The following LRSAM1 variants were observed in gnomAD, a reference collection of about 807,000 sequenced individuals.
LRSAM1 encodes leucine rich repeat and sterile alpha motif containing 1.
LRSAM1 carries 96 observed loss-of-function variants against 118.1 expected under a neutral mutation model. That is an observed-to-expected ratio of 0.81 (90% CI 0.69 to 0.96). The LOEUF is 0.96. Ranked by LOEUF, LRSAM1 falls within the 40% of genes least tolerant of loss-of-function variation. LRSAM1 has a pLI of 0.00. For missense variants in LRSAM1, 804 were observed against 915.5 expected, an observed-to-expected ratio of 0.88 and a Z score of 1.57; for synonymous variants, 322 against 364.2, an observed-to-expected ratio of 0.88 and a Z score of 1.32.
chr9:127,454,644 C>G, intron 3 of LRSAM1, 45 bp downstream of exon 3: 2 of 1,581,096 alleles, frequency 1.3e-6, no homozygotes, highest in Non-Finnish European at 8.7e-7. Context: ...ATCTCCTCCT[C>G]GGTCCCCATG....
At chr9:127,489,313 T>G (rs1835841842) in intron 18 of LRSAM1, 131 bp from the exon 19 acceptor site, 1 of 1,075,322 alleles carries the variant, frequency 9.3e-7, no homozygotes, top group African/African-American at 1.6e-5. Flanking sequence ...TGAGGTGAAA[T>G]CTTCTCCCTC....
At chr9:127,489,635 CCAA>C in intron 19 of LRSAM1, 117 bp downstream of exon 19, 1 of 1,154,876 alleles carries the variant, frequency 8.7e-7, no homozygotes, top group Non-Finnish European at 1.2e-6. Flanking sequence ...GCTTGCTAGC[CCAA>C]CAAGAGGTCG....
In LRSAM1 at chr9:127,502,765, C is replaced by A. The variant is rs1836443235; in HGVS notation, c.2047-9C>A. 1.4e-5 allele frequency: 22 copies of A among 1,612,860 alleles called. No homozygotes were observed. Among genetic ancestry groups the A allele is most frequent in the Non-Finnish European group, 1.8e-5 (21 of 1,179,826 alleles). On this transcript the variant is annotated splice_polypyrimidine_tract_variant and intron_variant, in intron 25 of 25. Transcript: ENST00000300417. ...GGGCCAGCCACATGCTCCCGCTCTC[C>A]CTCCCCAGGCCCAGATGATCTTCCT...
intron 9 of LRSAM1, among the ~76,000 whole-genome samples, chr9:127,463,182 A>G (rs1056535364): frequency 1.4e-5 from 2 of 148,058 alleles, no homozygotes; most frequent in African/African-American, 2.5e-5. Context: ...CTGGACAACA[A>G]AGCAAGACTT....
intron 17 of LRSAM1, 29 bp downstream of exon 17, chr9:127,485,864 AGGGAGCTGG>A: frequency 6.2e-7 from 1 of 1,606,778 alleles, no homozygotes; most frequent in South Asian, 1.1e-5. Flanking sequence ...GTCCCAGGTG[AGGGAGCTGG>A]GGGAGCTGGC....
At position 127,465,639 on chromosome 9, in the gene LRSAM1, G is replaced by T. The variant is rs977145787; in HGVS notation, c.529-2101G>T. 3.9e-5 allele frequency among the ~76,000 whole-genome samples: 6 copies of T among 152,242 alleles called. No homozygotes were observed. Among genetic ancestry groups the T allele is most frequent in the African/African-American group, 1.4e-4 (6 of 41,462 alleles). Reference sequence around the variant, plus strand: ...AGCACGTTCACTCAACACCCACCGTGTGAGGGCTGGGCTGGCCAGGGCTGG... The same window carrying T: ...AGCACGTTCACTCAACACCCACCGTTTGAGGGCTGGGCTGGCCAGGGCTGG... On this transcript the variant is annotated intron_variant, in intron 9 of 25. Transcript: ENST00000300417. The surrounding 1 kb of genome is among the most constrained non-coding windows in gnomAD (Gnocchi z 4.1).
At chr9:127,459,159 A>G in intron 7 of LRSAM1, 88 bp downstream of exon 7, 1 of 1,266,676 alleles carries the variant, frequency 7.9e-7, no homozygotes, top group Non-Finnish European at 1.1e-6. Context: ...GCCGGGCTCC[A>G]GCCAGTGGAA....
intron 24 of LRSAM1, 42 bp downstream of exon 24, chr9:127,497,376 C>CGTAT: frequency 1.9e-6 from 3 of 1,580,250 alleles, no homozygotes; most frequent in Non-Finnish European, 2.6e-6. Context: ...GGGCTCCAGC[C>CGTAT]GTATGTGTGG....
In LRSAM1 at chr9:127,465,936, G is replaced by A. The variant is rs1403866346; in HGVS notation, c.529-1804G>A. On this transcript the variant is annotated intron_variant, in intron 9 of 25. Transcript: ENST00000300417. The surrounding 1 kb of genome is among the most constrained non-coding windows in gnomAD (Gnocchi z 4.1). ...TTCATAAACACGGAGGCATCTGCATGTGTGCGCTGATAAACATTTGTCATT... is the reference window on the plus strand; with the variant it reads ...TTCATAAACACGGAGGCATCTGCATATGTGCGCTGATAAACATTTGTCATT... Among the ~76,000 whole-genome samples the A allele has an allele frequency of 1.3e-5, 2 of 152,178 alleles. No individual in the cohort carries two copies. Among genetic ancestry groups the A allele is most frequent in the African/African-American group, 4.8e-5 (2 of 41,428 alleles).
At chr9:127,500,560 A>G (rs1002012620) in intron 24 of LRSAM1, among the ~76,000 whole-genome samples, 2 of 152,086 alleles carry the variant, frequency 1.3e-5, no homozygotes, top group Non-Finnish European at 2.9e-5. Flanking sequence ...CTCCTGGGCA[A>G]CCAGGTGGAG....
At chr9:127,459,210 C>T in intron 7 of LRSAM1, 139 bp downstream of exon 7, 1 of 761,478 alleles carries the variant, frequency 1.3e-6, no homozygotes, top group East Asian at 2.7e-5. Flanking sequence ...CCCCTTGGCC[C>T]TTTGGGGTTT....
Position 127,458,389 on chromosome 9 carries a change from AAAAAC to A in LRSAM1, c.253-584_253-580del, listed in dbSNP as rs1171572511. Among the ~76,000 whole-genome samples the A allele has an allele frequency of 1.4e-4, 20 of 144,716 alleles. 3 individuals carry two copies. The South Asian group carries it at 1.7e-3, about 13-fold the overall frequency. The allele number at this position is 144,716 out of a possible 152,430, so 94.9% of individuals were successfully genotyped here. On this transcript the variant is annotated intron_variant, in intron 6 of 25. Transcript: ENST00000300417. Reference sequence around the variant, plus strand: ...GGGCGACAGAGCGAGACTTCGTCTCAAAAACAAAACAAAACAAAACAAAACAAAAC... The same window carrying A: ...GGGCGACAGAGCGAGACTTCGTCTCAAAAACAAAACAAAACAAAACAAAAC...
At chr9:127,479,165 G>T (rs1835439239) in intron 12 of LRSAM1, among the ~76,000 whole-genome samples, 1 of 152,152 alleles carries the variant, frequency 6.6e-6, no homozygotes, top group African/African-American at 2.4e-5. Context: ...AGAGACTGAG[G>T]CTCAGAGGGG....
intron 18 of LRSAM1, 79 bp downstream of exon 18, chr9:127,487,842 C>A: frequency 8.0e-7 from 1 of 1,249,740 alleles, no homozygotes; most frequent in Non-Finnish European, 1.1e-6. Context: ...GAGCTCCACA[C>A]GGAGCCCTTC....
At chr9:127,495,674 G>A (rs908944192) in intron 22 of LRSAM1, among the ~76,000 whole-genome samples, 1 of 152,152 alleles carries the variant, frequency 6.6e-6, no homozygotes, top group Non-Finnish European at 1.5e-5. Flanking sequence ...AGCCTGTGCC[G>A]GGAGCCACTG....
chr9:127,453,873 G>A (rs1341278571), intron 2 of LRSAM1: 1 of 163,032 alleles, frequency 6.1e-6, no homozygotes, highest in Non-Finnish European at 1.4e-5. Context: ...TCACTAGAAA[G>A]ATGTGGCCCC....
intron 10 of LRSAM1, among the ~76,000 whole-genome samples, chr9:127,472,549 G>A (rs1251459523): frequency 6.6e-6 from 1 of 152,062 alleles, no homozygotes. Context: ...GCTGAGGCAG[G>A]AGAATGGCTT....
In LRSAM1 at chr9:127,482,938, A is replaced by G. The variant is rs184483383; in HGVS notation, c.1089-12A>G. On this transcript the variant is annotated splice_polypyrimidine_tract_variant and intron_variant, in intron 15 of 25. Coordinates refer to ENST00000300417, the MANE Select transcript of LRSAM1 (RefSeq NM_001005373.4). Reference sequence around the variant, plus strand: ...TTAAATTTGCTGAATGAATGGATGGATTTTTTTCTAGAATAAGAATGGAAC... The same window carrying G: ...TTAAATTTGCTGAATGAATGGATGGGTTTTTTTCTAGAATAAGAATGGAAC... 1 of 1,552,436 alleles carries G rather than the reference A, an allele frequency of 6.4e-7. No homozygotes were observed. Among genetic ancestry groups the G allele is most frequent in the Admixed American group, 2.0e-5 (1 of 51,018 alleles).
At chr9:127,464,161 G>A in intron 9 of LRSAM1, among the ~76,000 whole-genome samples, 1 of 152,222 alleles carries the variant, frequency 6.6e-6, no homozygotes, top group Non-Finnish European at 1.5e-5. Flanking sequence ...AGAGTGGGTG[G>A]GTGATCACAG....
Sources: gnomAD v4.1 joint callset for allele counts (sites outside exome capture counted in the v4.1 genomes callset) on GRCh38, gnomAD v4.1.1 for gene constraint, Gnocchi (gnomAD v3.1) non-coding constraint, MANE v1.5 for transcripts, NCBI Gene and HGNC (gene_info 2026-07-23, HGNC 2026-07-21) for gene names.